The following MACF1 variants were observed in gnomAD, a reference collection of about 807,000 sequenced individuals.
MACF1 encodes microtubule actin crosslinking factor 1, also known as microtubule-actin cross-linking factor 1.
MACF1 carries 193 observed loss-of-function variants against 854.8 expected under a neutral mutation model. The ratio of observed to expected loss-of-function variants is 0.23; its 90% CI spans 0.20 to 0.25. The LOEUF (loss-of-function observed/expected upper bound fraction) is 0.25. Among genes scored for constraint, MACF1 ranks in the 10% least tolerant of loss-of-function variants. The pLI, the probability that MACF1 is intolerant of heterozygous loss-of-function variation, is 1.00. For synonymous variants in MACF1, 3,185 were observed against 3,226.7 expected, an observed-to-expected ratio of 0.99 and a Z score of 0.44; for missense variants, 7,722 against 8,929.1, an observed-to-expected ratio of 0.86 and a Z score of 5.45.
chr1:39,100,312 G>C (rs1044156524), intron 2 of MACF1, among the ~76,000 whole-genome samples: 2 of 152,162 alleles, frequency 1.3e-5, no homozygotes, highest in Non-Finnish European at 2.9e-5. Context: ...GTTGGGGGAT[G>C]GGACATTCTA....
At chr1:39,309,535 A>G (rs1197172037) in intron 23 of MACF1, 35 bp from the exon 24 acceptor site, 2 of 1,612,406 alleles carry the variant, frequency 1.2e-6, no homozygotes, top group Admixed American at 1.7e-5. Context: ...CTGAAGTCTT[A>G]CAAAGGTAAT....
At chr1:39,477,077 A>ATACACACACACATATATACACTTAGTGTG (rs1557675035) in intron 97 of MACF1, among the ~76,000 whole-genome samples, 1 of 19,226 alleles carries the variant, frequency 5.2e-5, no homozygotes, top group African/African-American at 1.8e-4. Context: ...ATATATATAT[A>ATACACACACACATATATACACTTAGTGTG]TATATATATA....
At chr1:39,475,970 G>C (rs1288801981) in intron 97 of MACF1, among the ~76,000 whole-genome samples, 2 of 152,116 alleles carry the variant, frequency 1.3e-5, no homozygotes, top group South Asian at 4.1e-4. Context: ...TGAAGCCAGG[G>C]GAGGACAGGG....
chr1:39,146,449 C>CAAAAA, intron 2 of MACF1, among the ~76,000 whole-genome samples: 1 of 93,096 alleles, frequency 1.1e-5, no homozygotes, highest in African/African-American at 3.4e-5. Flanking sequence ...TCTCCTCTCC[C>CAAAAA]AAAAAAAAAA....
chr1:39,413,867 C>T (rs1156673936), intron 58 of MACF1: 1 of 1,609,972 alleles, frequency 6.2e-7, no homozygotes, highest in African/African-American at 1.3e-5. Context: ...CCGGCAGCTT[C>T]AGTGCCCACC....
rs142029347 is a variant in MACF1 at position 39,428,191 on chromosome 1, G to A, written c.16707G>A (p.Val5569=). The A allele has an allele frequency of 1.9e-6, 3 of 1,614,140 alleles. No individual in the cohort carries two copies. In the African/African-American group the frequency reaches 4.0e-5, roughly 22 times the overall value. ...TGTTTGGGGAGGATGAGGTGGAGGT[G>A]CTCAACTGGCTGGCTGAGGTTGAGG... ...ARLFGEDEVE[V]LNWLAEVEDK... is the part of the protein sequence containing the mutation. The change falls in exon 63 of 101, where the codon GTG becomes GTA. Residue 5569 remains valine, a synonymous_variant. Coordinates refer to ENST00000564288, the MANE Select transcript of MACF1 (RefSeq NM_001394062.1).
intron 6 of MACF1, chr1:39,269,731 A>G (rs1247408724): frequency 3.9e-6 from 5 of 1,285,148 alleles, no homozygotes; most frequent in Non-Finnish European, 5.1e-6. Flanking sequence ...GTAGGTGGGC[A>G]TGTTCAAGAG....
chr1:39,365,579 T>C (rs1648630900), intron 49 of MACF1, among the ~76,000 whole-genome samples: 1 of 152,200 alleles, frequency 6.6e-6, no homozygotes, highest in African/African-American at 2.4e-5. Context: ...ACCTGTATCA[T>C]TTATTTGAAA....
At chr1:39,138,442 G>A (rs1041311085) in intron 2 of MACF1, among the ~76,000 whole-genome samples, 1 of 151,486 alleles carries the variant, frequency 6.6e-6, no homozygotes, top group Non-Finnish European at 1.5e-5. Context: ...AAAATTAGCC[G>A]GGCATGGTGG....
chr1:39,304,518 C>T, intron 23 of MACF1: 7 of 1,337,836 alleles, frequency 5.2e-6, no homozygotes, highest in South Asian at 2.4e-5. Context: ...ATAATGCCTC[C>T]TTTGGTTACA....
At chr1:39,465,991 G>A (rs1644659931) in intron 95 of MACF1, among the ~76,000 whole-genome samples, 1 of 152,106 alleles carries the variant, frequency 6.6e-6, no homozygotes, top group Admixed American at 6.5e-5. Context: ...GTGAATGCTA[G>A]GGTGCCTTTG....
chr1:39,337,523 G>A (rs1646834464), intron 38 of MACF1, among the ~76,000 whole-genome samples, 192 bp downstream of exon 38: 1 of 149,368 alleles, frequency 6.7e-6, no homozygotes, highest in African/African-American at 2.5e-5. Flanking sequence ...GGATAAACTT[G>A]AACAGACCTT....
intron 2 of MACF1, among the ~76,000 whole-genome samples, chr1:39,191,548 A>C (rs971537931): frequency 1.3e-5 from 2 of 152,210 alleles, no homozygotes; most frequent in African/African-American, 4.8e-5. Context: ...TACTTGGGAC[A>C]CCTAAGGATG....
At chr1:39,160,011 G>C (rs900235991) in intron 2 of MACF1, among the ~76,000 whole-genome samples, 1 of 152,088 alleles carries the variant, frequency 6.6e-6, no homozygotes, top group African/African-American at 2.4e-5. Flanking sequence ...GGAGAGCTTT[G>C]TATGCTATAA....
intron 6 of MACF1, among the ~76,000 whole-genome samples, chr1:39,274,844 T>C (rs909337519): frequency 6.6e-6 from 1 of 152,224 alleles, no homozygotes; most frequent in African/African-American, 2.4e-5. Flanking sequence ...ATATGCTTGG[T>C]AGGGTTGTTG....
Position 39,310,881 on chromosome 1 carries a change from A to G in MACF1, c.3151A>G (p.Ile1051Val). ...GATGTACATTTCAGAGTTGAAGAAC[A>G]TCCGGCTACGCCTGGAGGAGTATGA... ...AKMYISELKN[I>V]RLRLEEYEQR... Residue 1051 changes from isoleucine to valine, a missense_variant, in exon 26 of 101, where the codon ATC becomes GTC. Physicochemically the swap from Ile to Val is conservative, Grantham distance 29. Transcript: ENST00000564288. The G allele has an allele frequency of 6.2e-7, 1 of 1,614,168 alleles. No homozygotes were observed. The highest frequency in any genetic ancestry group is 8.5e-7 in the Non-Finnish European group (1 of 1,180,002).
chr1:39,194,888 C>A (rs1644301954), intron 2 of MACF1, among the ~76,000 whole-genome samples: 1 of 151,992 alleles, frequency 6.6e-6, no homozygotes, highest in Non-Finnish European at 1.5e-5. Context: ...GAGATGGGGT[C>A]TTGCTATGTT....
At chr1:39,446,887 C>T (rs1644241979) in intron 80 of MACF1, among the ~76,000 whole-genome samples, 2 of 152,164 alleles carry the variant, frequency 1.3e-5, no homozygotes, top group African/African-American at 2.4e-5. Flanking sequence ...AATGTCTTGG[C>T]TTCTTTCGTT....
At chr1:39,182,275 T>G (rs1396262287) in intron 2 of MACF1, among the ~76,000 whole-genome samples, 1 of 151,832 alleles carries the variant, frequency 6.6e-6, no homozygotes, top group Non-Finnish European at 1.5e-5. Context: ...AACTTAGGGG[T>G]AAATCTTTGT....
Sources: allele counts gnomAD v4.1 joint callset (sites outside exome capture counted in the v4.1 genomes callset), GRCh38; gene constraint gnomAD v4.1.1; transcripts MANE v1.5; gene names NCBI Gene and HGNC (gene_info 2026-07-23, HGNC 2026-07-21).